The following NPNT variants were observed in gnomAD, a reference collection of about 807,000 sequenced individuals.
NPNT encodes the protein nephronectin, also known as preosteoblast EGF-like repeat protein with MAM domain.
Under a neutral mutation model 68.6 loss-of-function variants are expected in NPNT, and 45 were observed. That is an observed-to-expected ratio of 0.66 (90% CI 0.52 to 0.84). The LOEUF (loss-of-function observed/expected upper bound fraction) is 0.84, where lower values mean the gene tolerates loss of function less well. NPNT is among the 40% of genes least tolerant of loss of function. The pLI, the probability that NPNT is intolerant of heterozygous loss-of-function variation, is 0.00. For missense variants in NPNT, 672 were observed against 714.8 expected (o/e 0.94, Z 0.68); for synonymous variants, 233 against 253.3 (o/e 0.92, Z 0.76).
At chr4:105,899,679 T>C (rs17036356) in intron 2 of NPNT, among the ~76,000 whole-genome samples, 22,157 of 152,258 alleles carry the variant, frequency 0.15, 3,360 homozygotes, top group African/African-American at 0.39. Flanking sequence ...TTCCAAGGTT[T>C]TCTATGTTAC....
intron 2 of NPNT, among the ~76,000 whole-genome samples, chr4:105,921,955 T>C (rs924564225): frequency 1.3e-5 from 2 of 152,226 alleles, no homozygotes; most frequent in African/African-American, 4.8e-5. Flanking sequence ...GCCCTACCCT[T>C]GCATGTTTCT....
intron 2 of NPNT, among the ~76,000 whole-genome samples, chr4:105,926,431 G>A (rs1428713358): frequency 2.6e-5 from 4 of 152,026 alleles, no homozygotes; most frequent in African/African-American, 9.7e-5. Flanking sequence ...GTTGTGGCGG[G>A]TTGTCTGAAC....
intron 10 of NPNT, among the ~76,000 whole-genome samples, chr4:105,964,429 G>A (rs28523884): frequency 0.094 from 14,308 of 152,216 alleles, 868 homozygotes; most frequent in African/African-American, 0.18. Flanking sequence ...GAATTGCTAT[G>A]TCAAAAGAGA....
chr4:105,935,042 G>T (rs368330407), intron 3 of NPNT, among the ~76,000 whole-genome samples: 1 of 152,106 alleles, frequency 6.6e-6, no homozygotes, highest in African/African-American at 2.4e-5. Flanking sequence ...ATTTCCATCA[G>T]CATAAATACT....
At chr4:105,935,694 C>T (rs756169317) in intron 3 of NPNT, among the ~76,000 whole-genome samples, 7 of 152,194 alleles carry the variant, frequency 4.6e-5, no homozygotes, top group African/African-American at 7.2e-5. Flanking sequence ...TTAACCTTTC[C>T]GGGATTTGCC....
At chr4:105,959,432 C>T (rs1212194680) in intron 10 of NPNT, among the ~76,000 whole-genome samples, 1 of 151,966 alleles carries the variant, frequency 6.6e-6, no homozygotes, top group Non-Finnish European at 1.5e-5. Flanking sequence ...TTATTTGTAG[C>T]ACCCATTCCC....
intron 8 of NPNT, among the ~76,000 whole-genome samples, chr4:105,956,798 T>C (rs1731263917): frequency 6.6e-6 from 1 of 152,184 alleles, no homozygotes; most frequent in South Asian, 2.1e-4. Flanking sequence ...CCCCTGGGTA[T>C]CCACAGTCAG....
chr4:105,946,986 A>G (rs1463746176), intron 8 of NPNT, among the ~76,000 whole-genome samples: 1 of 152,144 alleles, frequency 6.6e-6, no homozygotes, highest in African/African-American at 2.4e-5. Flanking sequence ...CATTATCTCA[A>G]CCGCATGAGA....
In NPNT at chr4:105,915,154, A is replaced by G. The variant is rs137992495; in HGVS notation, c.173-12182A>G. Among the ~76,000 whole-genome samples the G allele has an allele frequency of 7.9e-5, 12 of 152,232 alleles. No individual in the cohort carries two copies. In the East Asian group the frequency reaches 1.7e-3, roughly 22 times the overall value. On this transcript the variant is annotated intron_variant, in intron 2 of 11. Coordinates refer to ENST00000379987, the MANE Select transcript of NPNT (RefSeq NM_001033047.3). ...AGGTCTGCATTGCTGCGAGGAGTCT[A>G]TCAGCTGGGGCCTCTTAAGTAGCTG... is the stretch of plus-strand genomic sequence containing the variant.
At chr4:105,920,395 T>TAAAAAAAAAAAAAAAAAAAACAAAAAA (rs1728162289) in intron 2 of NPNT, among the ~76,000 whole-genome samples, 1 of 79,506 alleles carries the variant, frequency 1.3e-5, no homozygotes, top group African/African-American at 5.1e-5. Flanking sequence ...GTTACTCTAC[T>TAAAAAAAAAAAAAAAAAAAACAAAAAA]AAAAAAAAAA....
intron 8 of NPNT, among the ~76,000 whole-genome samples, chr4:105,944,598 A>C (rs1327433245): frequency 6.6e-6 from 1 of 152,224 alleles, no homozygotes; most frequent in Non-Finnish European, 1.5e-5. Flanking sequence ...GGAAATACAG[A>C]GTTCCAATGA....
intron 2 of NPNT, chr4:105,912,612 T>C (rs1727459127): frequency 4.2e-6 from 4 of 948,504 alleles, no homozygotes; most frequent in African/African-American, 1.8e-5. Context: ...CCTGAGGGAG[T>C]TGTATTTCAT....
chr4:105,906,840 A>G (rs1180327458), intron 2 of NPNT, among the ~76,000 whole-genome samples: 1 of 152,216 alleles, frequency 6.6e-6, no homozygotes, highest in East Asian at 1.9e-4. Flanking sequence ...TTGGATAGCA[A>G]TATATAAATT....
chr4:105,910,601 G>C (rs1727286961), intron 2 of NPNT, among the ~76,000 whole-genome samples: 1 of 152,098 alleles, frequency 6.6e-6, no homozygotes, highest in Non-Finnish European at 1.5e-5. Context: ...TTCAATAGAG[G>C]ATAGTTCCCA....
At chr4:105,942,014 G>T (rs1372244161) in intron 7 of NPNT, among the ~76,000 whole-genome samples, 1 of 151,588 alleles carries the variant, frequency 6.6e-6, no homozygotes, top group Non-Finnish European at 1.5e-5. Context: ...ATGTTTTTAT[G>T]TTGCAAATAA....
At chr4:105,913,078 G>A (rs1354590581) in intron 2 of NPNT, among the ~76,000 whole-genome samples, 5 of 152,102 alleles carry the variant, frequency 3.3e-5, no homozygotes, top group African/African-American at 1.2e-4. Flanking sequence ...TGTTGGCCAG[G>A]CTGGTCTTGA....
At chr4:105,925,774 C>T (rs1728633375) in intron 2 of NPNT, among the ~76,000 whole-genome samples, 1 of 152,234 alleles carries the variant, frequency 6.6e-6, no homozygotes, top group South Asian at 2.1e-4. Context: ...CAGACCTAAA[C>T]TATTTCGCTG....
intron 1 of NPNT, chr4:105,896,010 TG>T: frequency 2.2e-6 from 1 of 451,652 alleles, no homozygotes. Flanking sequence ...CGCTGGAGCC[TG>T]GGATCTCGGC....
intron 8 of NPNT, among the ~76,000 whole-genome samples, chr4:105,955,905 G>A (rs886616341): frequency 4.6e-5 from 7 of 151,960 alleles, no homozygotes; most frequent in Admixed American, 2.0e-4. Context: ...AAATAATTTG[G>A]TATGGTTATA....
Sources: allele counts gnomAD v4.1 joint callset (sites outside exome capture counted in the v4.1 genomes callset), GRCh38; gene constraint gnomAD v4.1.1; transcripts MANE v1.5; gene names NCBI Gene and HGNC (gene_info 2026-07-23, HGNC 2026-07-21).